Variants in SLCO3A1 observed in about 807,000 individuals in gnomAD.
SLCO3A1 encodes PGE1 transporter.
A neutral mutation model predicts 63.1 loss-of-function variants in SLCO3A1; 27 were observed. That is an observed-to-expected ratio of 0.43 (90% CI 0.32 to 0.59). The LOEUF (loss-of-function observed/expected upper bound fraction) is 0.59. Among genes scored for constraint, SLCO3A1 ranks in the 20% least tolerant of loss-of-function variants. SLCO3A1 has a pLI of 0.09. For synonymous variants in SLCO3A1, 473 were observed against 409.9 expected, an observed-to-expected ratio of 1.15 and a Z score of -1.86; for missense variants, 773 against 945.8, an observed-to-expected ratio of 0.82 and a Z score of 2.40.
chr15:91,939,977 C>T (rs939434176), intron 2 of SLCO3A1, among the ~76,000 whole-genome samples: 1 of 152,182 alleles, frequency 6.6e-6, no homozygotes, highest in African/African-American at 2.4e-5. Context: ...AACCTTGAAC[C>T]CTGGCAGTCA....
At chr15:91,879,075 C>T (rs1159345244) in intron 1 of SLCO3A1, among the ~76,000 whole-genome samples, 1 of 152,226 alleles carries the variant, frequency 6.6e-6, no homozygotes, top group African/African-American at 2.4e-5. Flanking sequence ...TGAACACACA[C>T]TTCTACCCAC....
At chr15:91,964,297 T>C (rs1292061391) in intron 2 of SLCO3A1, among the ~76,000 whole-genome samples, 1 of 52,214 alleles carries the variant, frequency 1.9e-5, no homozygotes, top group East Asian at 5.1e-4. Flanking sequence ...TCATCTGTAA[T>C]TTTTTTTTGT....
chr15:92,158,701 G>T lies in SLCO3A1; in HGVS notation c.1754-4055G>T, dbSNP rs1304515349. Among the ~76,000 whole-genome samples the T allele has an allele frequency of 2.6e-5, 4 of 152,296 alleles. No homozygotes were observed. In the South Asian group the frequency reaches 8.3e-4, roughly 32 times the overall value. On this transcript the variant is annotated intron_variant, in intron 9 of 9. Coordinates refer to ENST00000318445, the MANE Select transcript of SLCO3A1 (RefSeq NM_013272.4). ...CTGGGCGTGAAAATGAGTCACCAAG[G>T]TGGAACTCCCTTCTGTGACTCATCA...
chr15:92,027,678 G>C (rs1486159404), intron 2 of SLCO3A1, among the ~76,000 whole-genome samples: 1 of 152,198 alleles, frequency 6.6e-6, no homozygotes, highest in African/African-American at 2.4e-5. Context: ...TGTGCCTTTT[G>C]CTTTGTGCCG....
chr15:92,135,752 G>A (rs1049631229), intron 7 of SLCO3A1, among the ~76,000 whole-genome samples: 2 of 152,180 alleles, frequency 1.3e-5, no homozygotes, highest in Admixed American at 6.5e-5. Context: ...GGTGTCCCAC[G>A]TTCTTTGATA....
chr15:92,150,938 CTT>C lies in SLCO3A1; in HGVS notation c.1689-10_1689-9del, dbSNP rs773470764. The C allele has an allele frequency of 3.1e-6, 5 of 1,596,298 alleles. No homozygotes were observed. In the South Asian group the frequency reaches 3.5e-5, roughly 11 times the overall value. On this transcript the variant is annotated splice_polypyrimidine_tract_variant and intron_variant, in intron 8 of 9. Transcript: ENST00000318445. ...TCTGGTTTTTTTTTTCTCTTCATCT[CTT>C]TGCACGTAGGACAGTCAGCCCTGAA...
At position 92,079,114 on chromosome 15, in the gene SLCO3A1, G is replaced by A. The variant is rs544935057; in HGVS notation, c.647-15767G>A. Among the ~76,000 whole-genome samples, 67 of 152,352 alleles carry A rather than the reference G, an allele frequency of 4.4e-4. No individual in the cohort carries two copies. In the South Asian group the frequency reaches 6.2e-3, roughly 14 times the overall value. Reference sequence around the variant, plus strand: ...TCCCTGGCAGTTTTCCACCCGGCCAGTCCTAACCAGGGAGCAATGCCCATG... The same window carrying A: ...TCCCTGGCAGTTTTCCACCCGGCCAATCCTAACCAGGGAGCAATGCCCATG... On this transcript the variant is annotated intron_variant, in intron 2 of 9. Coordinates refer to ENST00000318445, the MANE Select transcript of SLCO3A1 (RefSeq NM_013272.4).
At chr15:92,148,875 TG>T (rs1293667471) in intron 8 of SLCO3A1, 7 of 152,256 alleles carry the variant, frequency 4.6e-5, no homozygotes, top group Non-Finnish European at 8.8e-5. Flanking sequence ...AATGTGAAAG[TG>T]TTTATGAAAT....
chr15:92,148,906 T>C (rs1473738354), intron 8 of SLCO3A1: 1 of 152,240 alleles, frequency 6.6e-6, no homozygotes, highest in Non-Finnish European at 1.5e-5. Context: ...AATTTAAAAC[T>C]ATTTAGAGAA....
intron 2 of SLCO3A1, among the ~76,000 whole-genome samples, chr15:92,053,701 T>G (rs1324600505): frequency 2.0e-5 from 3 of 151,294 alleles, no homozygotes; most frequent in African/African-American, 4.9e-5. Flanking sequence ...TGTTTGTTTT[T>G]TTTTTTTTTA....
chr15:91,938,473 G>GTTT lies in SLCO3A1; in HGVS notation c.646+22021_646+22023dup, dbSNP rs1035027089. Reference sequence around the variant, plus strand: ...GCAACTTGGAATACTCTAAACATTGGTTTTTTTTGTTTTTTTTTTTTTTTG... The same window carrying GTTT: ...GCAACTTGGAATACTCTAAACATTGGTTTTTTTTTTTGTTTTTTTTTTTTTTTG... On this transcript the variant is annotated intron_variant, in intron 2 of 9. Coordinates refer to ENST00000318445, the MANE Select transcript of SLCO3A1 (RefSeq NM_013272.4). Among the ~76,000 whole-genome samples the GTTT allele has an allele frequency of 4.1e-3, 519 of 126,580 alleles. 4 individuals carry two copies. Among genetic ancestry groups the GTTT allele is most frequent in the African/African-American group, 0.017 (493 of 29,296 alleles). The allele number at this position is 126,580 out of a possible 152,430, so 83.0% of individuals were successfully genotyped here.
rs185141059 is a variant in SLCO3A1 at position 92,082,997 on chromosome 15, T to C, written c.647-11884T>C. Among the ~76,000 whole-genome samples the C allele has an allele frequency of 1.8e-4, 28 of 152,322 alleles. No individual in the cohort carries two copies. In the East Asian group the frequency reaches 5.0e-3, roughly 27 times the overall value. On this transcript the variant is annotated intron_variant, in intron 2 of 9. Coordinates refer to ENST00000318445, the MANE Select transcript of SLCO3A1 (RefSeq NM_013272.4). ...CTTATCAAGGCATAGTGAGAATGAT[T>C]GACCTTGAATAAATCAGAAGGGGCA... is the stretch of plus-strand genomic sequence containing the variant.
chr15:91,931,851 C>CA (rs1899247799), intron 2 of SLCO3A1, among the ~76,000 whole-genome samples: 1 of 150,724 alleles, frequency 6.6e-6, no homozygotes, highest in Non-Finnish European at 1.5e-5. Context: ...AGGGAAAAAA[C>CA]AGAGATTGCT....
In SLCO3A1 at chr15:92,126,223, G is replaced by T. The variant is rs778767366; in HGVS notation, c.1337G>T (p.Gly446Val). Reference sequence around the variant, plus strand: ...TTCCTCTTCCTGGGCTGCGACACTGGCCCTGTGGCTGGGGTTACTGTTCCC... The same window carrying T: ...TTCCTCTTCCTGGGCTGCGACACTGTCCCTGTGGCTGGGGTTACTGTTCCC... ...VSFLFLGCDT[G>V]PVAGVTVPYG... Residue 446 changes from glycine (G) to valine (V), a missense_variant, in exon 6 of 10, where the codon GGC (glycine) becomes GTC (valine). By Grantham distance (109) the Gly-to-Val change is moderately radical. Around this residue, in one of 3 missense-constraint regions of SLCO3A1, gnomAD observed 565 missense variants for 749.8 expected, o/e 0.75. Coordinates refer to ENST00000318445, the MANE Select transcript of SLCO3A1 (RefSeq NM_013272.4). 3.1e-6 allele frequency: 5 copies of T among 1,613,874 alleles called. No individual in the cohort carries two copies. The highest frequency in any genetic ancestry group is 3.4e-6 in the Non-Finnish European group (4 of 1,179,992).
At chr15:91,926,455 C>G (rs760264323) in intron 2 of SLCO3A1, among the ~76,000 whole-genome samples, 1 of 151,722 alleles carries the variant, frequency 6.6e-6, no homozygotes, top group African/African-American at 2.4e-5. Flanking sequence ...GCCAAAGGTA[C>G]CTTAACTCCC....
chr15:92,036,240 C>G (rs1228843389), intron 2 of SLCO3A1, among the ~76,000 whole-genome samples: 1 of 152,184 alleles, frequency 6.6e-6, no homozygotes, highest in African/African-American at 2.4e-5. Flanking sequence ...TAAAGCCAAT[C>G]TGAGAATTTG....
intron 2 of SLCO3A1, among the ~76,000 whole-genome samples, chr15:91,994,489 C>A (rs142973442): frequency 6.6e-6 from 1 of 152,150 alleles, no homozygotes; most frequent in Non-Finnish European, 1.5e-5. Flanking sequence ...AACTAAGCAG[C>A]CTGGCCAGAG....
intron 2 of SLCO3A1, among the ~76,000 whole-genome samples, chr15:91,971,154 G>A (rs890159374): frequency 1.3e-5 from 2 of 151,912 alleles, no homozygotes; most frequent in African/African-American, 2.4e-5. Context: ...TTAGCACTTC[G>A]GGAGGCCGAG....
chr15:91,986,160 G>A (rs532246886), intron 2 of SLCO3A1, among the ~76,000 whole-genome samples: 1 of 152,174 alleles, frequency 6.6e-6, no homozygotes. Context: ...GGGAGTACCT[G>A]CTAGCCACCA....
Sources: gnomAD v4.1 joint callset for allele counts (sites outside exome capture counted in the v4.1 genomes callset) on GRCh38, gnomAD v4.1.1 for gene constraint, gnomAD v4.1.1 regional missense constraint, MANE v1.5 for transcripts, NCBI Gene and HGNC (gene_info 2026-07-23, HGNC 2026-07-21) for gene names.